The following LHFPL3 variants were observed in gnomAD, a reference collection of about 807,000 sequenced individuals.
The protein encoded by LHFPL3 is LHFPL tetraspan subfamily member 3.
Under a neutral mutation model 19.3 loss-of-function variants are expected in LHFPL3, and 5 were observed. The ratio of observed to expected loss-of-function variants is 0.26; its 90% CI spans 0.14 to 0.54. The LOEUF (loss-of-function observed/expected upper bound fraction) is 0.54, where lower values mean the gene tolerates loss of function less well. Ranked by LOEUF, LHFPL3 falls within the 20% of genes least tolerant of loss-of-function variation. LHFPL3 has a pLI of 0.94. For missense variants in LHFPL3, 249 were observed against 307.4 expected (o/e 0.81, Z 1.42); for synonymous variants, 133 against 126.2 (o/e 1.05, Z -0.36).
At chr7:104,690,373 A>G (rs1322763291) in intron 1 of LHFPL3, among the ~76,000 whole-genome samples, 1 of 152,206 alleles carries the variant, frequency 6.6e-6, no homozygotes, top group Non-Finnish European at 1.5e-5. Context: ...CCAGCAATAT[A>G]CCTTCACTAT....
At chr7:104,876,542 C>T (rs1488286294) in intron 2 of LHFPL3, among the ~76,000 whole-genome samples, 1 of 150,870 alleles carries the variant, frequency 6.6e-6, no homozygotes, top group Non-Finnish European at 1.5e-5. Flanking sequence ...TCAACACTGG[C>T]CATCAGAGAA....
At chr7:104,895,424 C>T (rs1161891858) in intron 2 of LHFPL3, 3 of 152,172 alleles carry the variant, frequency 2.0e-5, no homozygotes, top group Admixed American at 6.5e-5. Context: ...GTTTCTAATG[C>T]TTTATGTCAG....
At chr7:104,459,661 C>A (rs1287027209) in intron 1 of LHFPL3, among the ~76,000 whole-genome samples, 2 of 152,166 alleles carry the variant, frequency 1.3e-5, no homozygotes, top group Non-Finnish European at 2.9e-5. Context: ...AGGCAAGGGA[C>A]CTCTTCGTAA....
intron 1 of LHFPL3, among the ~76,000 whole-genome samples, chr7:104,594,005 A>G (rs1790787195): frequency 2.0e-5 from 3 of 152,236 alleles, no homozygotes; most frequent in Admixed American, 2.0e-4. Context: ...GCCACTGTGT[A>G]TCTTTTAATT....
At chr7:104,489,047 T>C (rs1369298541) in intron 1 of LHFPL3, among the ~76,000 whole-genome samples, 1 of 151,764 alleles carries the variant, frequency 6.6e-6, no homozygotes, top group Non-Finnish European at 1.5e-5. Context: ...TGCCTTGAAA[T>C]CTTGCTGCTC....
intron 1 of LHFPL3, among the ~76,000 whole-genome samples, chr7:104,685,614 G>A (rs1350517754): frequency 6.6e-6 from 1 of 152,154 alleles, no homozygotes; most frequent in Non-Finnish European, 1.5e-5. Flanking sequence ...TTTCCTACAG[G>A]TGCTCATCAC....
chr7:104,733,857 G>A (rs1294026047), intron 1 of LHFPL3, among the ~76,000 whole-genome samples: 1 of 152,146 alleles, frequency 6.6e-6, no homozygotes, highest in Non-Finnish European at 1.5e-5. Flanking sequence ...CAGTGGCTGG[G>A]ACCGGTTATT....
intron 1 of LHFPL3, among the ~76,000 whole-genome samples, chr7:104,514,416 G>A (rs772331872): frequency 4.6e-5 from 7 of 152,174 alleles, no homozygotes; most frequent in African/African-American, 1.7e-4. Context: ...CACGAGGGAA[G>A]AAATCTCATC....
chr7:104,820,096 C>T (rs1199922704), intron 2 of LHFPL3, among the ~76,000 whole-genome samples: 1 of 152,128 alleles, frequency 6.6e-6, no homozygotes, highest in African/African-American at 2.4e-5. Context: ...GACATTTGCA[C>T]CTTCTCATTC....
intron 2 of LHFPL3, among the ~76,000 whole-genome samples, chr7:104,847,488 T>TGG (rs1791333894): frequency 6.6e-6 from 1 of 152,158 alleles, no homozygotes. Flanking sequence ...TCTCTTTCCA[T>TGG]GGTAAGTAAA....
chr7:104,706,189 A>G (rs1793187338), intron 1 of LHFPL3, among the ~76,000 whole-genome samples: 1 of 152,156 alleles, frequency 6.6e-6, no homozygotes, highest in Admixed American at 6.5e-5. Context: ...TTATGGTTAT[A>G]ATAGCCACTC....
chr7:104,623,398 G>A (rs6950701), intron 1 of LHFPL3, among the ~76,000 whole-genome samples: 4,967 of 152,282 alleles, frequency 0.033, 281 homozygotes, highest in African/African-American at 0.11. Context: ...AGAAGGCCAA[G>A]GCAGGTAGAT....
rs1422502772 is a variant in LHFPL3, at chr7:104,845,281, G to A, written c.683-60906G>A. On this transcript the variant is annotated intron_variant, in intron 2 of 2. Coordinates refer to ENST00000424859, the MANE Select transcript of LHFPL3 (RefSeq NM_199000.3). ...AGTATGTCTCTGCACACCGTCAATG[G>A]AATAGCCAGGAATGACGTTGTCAGT... 4.5e-5 allele frequency: 33 copies of A among 733,768 alleles called. No homozygotes were observed. The East Asian group carries it at 8.6e-4, about 19-fold the overall frequency. The allele number at this position is 733,768 out of a possible 1,614,324, so 45.5% of individuals were successfully genotyped here.
At chr7:104,891,775 G>A (rs934120529) in intron 2 of LHFPL3, among the ~76,000 whole-genome samples, 4 of 152,206 alleles carry the variant, frequency 2.6e-5, no homozygotes, top group African/African-American at 9.6e-5. Flanking sequence ...GCTGCTAGGA[G>A]CATTATTTGG....
intron 2 of LHFPL3, among the ~76,000 whole-genome samples, chr7:104,775,949 A>G (rs963369383): frequency 2.0e-5 from 3 of 151,606 alleles, no homozygotes; most frequent in Admixed American, 6.6e-5. Flanking sequence ...AATGCATCTG[A>G]TTTGTATCAG....
chr7:104,346,123 C>T (rs987110217), intron 1 of LHFPL3, among the ~76,000 whole-genome samples: 3 of 151,386 alleles, frequency 2.0e-5, no homozygotes, highest in African/African-American at 7.3e-5. Flanking sequence ...GCAACCTCTG[C>T]CTCCCAGGTT....
At chr7:104,890,162 G>A (rs372384986) in intron 2 of LHFPL3, among the ~76,000 whole-genome samples, 1 of 152,136 alleles carries the variant, frequency 6.6e-6, no homozygotes, top group Non-Finnish European at 1.5e-5. Context: ...AAATTAGCCA[G>A]GCTTCATGGC....
intron 1 of LHFPL3, among the ~76,000 whole-genome samples, chr7:104,700,190 T>C (rs1157912143): frequency 6.6e-6 from 1 of 152,220 alleles, no homozygotes; most frequent in African/African-American, 2.4e-5. Flanking sequence ...AGCCCTCTCT[T>C]GGCCATACCG....
intron 1 of LHFPL3, among the ~76,000 whole-genome samples, chr7:104,673,564 T>C (rs576725321): frequency 6.6e-6 from 1 of 152,232 alleles, no homozygotes; most frequent in Non-Finnish European, 1.5e-5. Flanking sequence ...CTTTCTGATA[T>C]TGTCCAAAAG....
Sources: allele counts gnomAD v4.1 joint callset (sites outside exome capture counted in the v4.1 genomes callset), GRCh38; gene constraint gnomAD v4.1.1; transcripts MANE v1.5; gene names NCBI Gene and HGNC (gene_info 2026-07-23, HGNC 2026-07-21).